NLGN1: variants seen among roughly 807,000 people sequenced by gnomAD.
The protein encoded by NLGN1 is neuroligin-1.
A neutral mutation model predicts 65.5 loss-of-function variants in NLGN1; 12 were observed. That is an observed-to-expected ratio of 0.18 (90% confidence interval 0.12 to 0.30). The LOEUF (loss-of-function observed/expected upper bound fraction) is 0.30, where lower values mean the gene tolerates loss of function less well. Ranked by LOEUF, NLGN1 falls within the 10% of genes least tolerant of loss-of-function variation. The probability of loss-of-function intolerance (pLI) is 1.00; values close to 1 mark genes in which losing one functional copy is unlikely to be tolerated. For missense variants in NLGN1, 750 were observed against 1,007.1 expected (o/e 0.74, Z 3.46); for synonymous variants, 350 against 359.5 (o/e 0.97, Z 0.30).
At chr3:174,198,223 T>G (rs1387420849) in intron 4 of NLGN1, among the ~76,000 whole-genome samples, 1 of 152,162 alleles carries the variant, frequency 6.6e-6, no homozygotes, top group Non-Finnish European at 1.5e-5. Flanking sequence ...GTATTGTAGG[T>G]CAGATACTCT....
intron 4 of NLGN1, among the ~76,000 whole-genome samples, chr3:174,255,063 A>G (rs924954663): frequency 6.6e-5 from 10 of 152,310 alleles, no homozygotes; most frequent in African/African-American, 2.2e-4. Flanking sequence ...GTACACAGCT[A>G]CAAATGAACG....
intron 2 of NLGN1, among the ~76,000 whole-genome samples, chr3:173,559,992 G>A (rs1253013296): frequency 1.4e-5 from 2 of 146,430 alleles, no homozygotes; most frequent in Admixed American, 1.4e-4. Context: ...CGCCCAGGCT[G>A]GAATGCAGTG....
chr3:174,219,551 A>T (rs1318131002), intron 4 of NLGN1, among the ~76,000 whole-genome samples: 1 of 152,134 alleles, frequency 6.6e-6, no homozygotes, highest in African/African-American at 2.4e-5. Context: ...TACATTTCAG[A>T]TGATTACCTG....
At chr3:173,870,827 G>C (rs972667990) in intron 4 of NLGN1, among the ~76,000 whole-genome samples, 1 of 152,136 alleles carries the variant, frequency 6.6e-6, no homozygotes, top group African/African-American at 2.4e-5. Flanking sequence ...CTATTGTGAA[G>C]TCCTGGTGCA....
intron 4 of NLGN1, among the ~76,000 whole-genome samples, chr3:173,891,076 G>T (rs766115322): frequency 1.3e-5 from 2 of 152,078 alleles, no homozygotes; most frequent in Non-Finnish European, 2.9e-5. Flanking sequence ...TTCAAGCAAG[G>T]CACTTCTCTA....
chr3:173,491,306 A>C (rs372123884), intron 2 of NLGN1, among the ~76,000 whole-genome samples: 2 of 151,760 alleles, frequency 1.3e-5, no homozygotes, highest in East Asian at 3.8e-4. Flanking sequence ...TAGCATGAAG[A>C]GCTGTTGAAT....
At chr3:173,719,654 T>C (rs1184933374) in intron 3 of NLGN1, among the ~76,000 whole-genome samples, 2 of 152,220 alleles carry the variant, frequency 1.3e-5, no homozygotes, top group Non-Finnish European at 2.9e-5. Flanking sequence ...GTATAGTTGA[T>C]GTTTGAACTT....
chr3:174,253,518 A>T (rs962113202), intron 4 of NLGN1, among the ~76,000 whole-genome samples: 3 of 152,174 alleles, frequency 2.0e-5, no homozygotes, highest in African/African-American at 7.2e-5. Context: ...TTGAATAGCT[A>T]ATCACTTGGC....
intron 3 of NLGN1, among the ~76,000 whole-genome samples, chr3:173,681,116 T>C (rs1273503655): frequency 6.6e-6 from 1 of 152,220 alleles, no homozygotes; most frequent in Non-Finnish European, 1.5e-5. Context: ...GTTAACTTTG[T>C]ATAGATTGAG....
chr3:173,626,357 G>A (rs1463015980), intron 3 of NLGN1, among the ~76,000 whole-genome samples: 2 of 151,846 alleles, frequency 1.3e-5, no homozygotes, highest in African/African-American at 2.4e-5. Flanking sequence ...TTATATTTTT[G>A]AATTTACAAG....
intron 3 of NLGN1, among the ~76,000 whole-genome samples, chr3:173,799,012 C>T (rs938349343): frequency 5.3e-5 from 8 of 151,900 alleles, no homozygotes; most frequent in African/African-American, 1.9e-4. Context: ...AGAAATTTTG[C>T]TAAAAATGTT....
chr3:174,024,706 A>T (rs1221449394), intron 4 of NLGN1, among the ~76,000 whole-genome samples: 1 of 152,150 alleles, frequency 6.6e-6, no homozygotes, highest in Non-Finnish European at 1.5e-5. Flanking sequence ...AAAAAGTCAG[A>T]TTGCCTGAAA....
chr3:174,265,895 T>C (rs1198563376), intron 4 of NLGN1, among the ~76,000 whole-genome samples: 12 of 138,472 alleles, frequency 8.7e-5, no homozygotes, highest in Non-Finnish European at 1.4e-4. Flanking sequence ...TACGTATATA[T>C]GTATATATGT....
intron 3 of NLGN1, among the ~76,000 whole-genome samples, chr3:173,699,895 A>G (rs891529402): frequency 1.3e-5 from 2 of 152,240 alleles, no homozygotes; most frequent in Admixed American, 1.3e-4. Flanking sequence ...ATAGAAAAAG[A>G]AAAAGAAAAG....
chr3:174,224,696 C>T (rs1355382960), intron 4 of NLGN1, among the ~76,000 whole-genome samples: 1 of 151,922 alleles, frequency 6.6e-6, no homozygotes, highest in East Asian at 1.9e-4. Context: ...GAGACTCGGT[C>T]TCAAAAAAAA....
At chr3:173,607,311 C>T (rs1313764809) in intron 3 of NLGN1, among the ~76,000 whole-genome samples, 3 of 151,780 alleles carry the variant, frequency 2.0e-5, no homozygotes, top group African/African-American at 7.2e-5. Flanking sequence ...CTATCAATGC[C>T]CACTTGAGCT....
At chr3:174,137,261 T>C (rs1177076113) in intron 4 of NLGN1, among the ~76,000 whole-genome samples, 2 of 152,150 alleles carry the variant, frequency 1.3e-5, no homozygotes, top group Admixed American at 6.5e-5. Context: ...TTCCATCTAA[T>C]AGAAAATGGA....
chr3:173,615,926 C>T (rs1015852770), intron 3 of NLGN1, among the ~76,000 whole-genome samples: 3 of 151,752 alleles, frequency 2.0e-5, no homozygotes, highest in Non-Finnish European at 2.9e-5. Flanking sequence ...CAGTGCAGAG[C>T]CCTGGGGTAG....
chr3:173,764,465 C>A (rs1036850741), intron 3 of NLGN1, among the ~76,000 whole-genome samples: 1 of 152,114 alleles, frequency 6.6e-6, no homozygotes, highest in African/African-American at 2.4e-5. Flanking sequence ...AGAATGGTTG[C>A]CTTCACTTAT....
Sources: gnomAD v4.1 joint callset for allele counts (sites outside exome capture counted in the v4.1 genomes callset) on GRCh38, gnomAD v4.1.1 for gene constraint, MANE v1.5 for transcripts, NCBI Gene and HGNC (gene_info 2026-07-23, HGNC 2026-07-21) for gene names.